NEIL1: variants seen among roughly 807,000 people sequenced by gnomAD.
The protein encoded by NEIL1 is endonuclease 8-like 1.
NEIL1 carries 31 observed loss-of-function variants against 44.2 expected under a neutral mutation model. The ratio of observed to expected loss-of-function variants is 0.70; its 90% confidence interval spans 0.53 to 0.95. The LOEUF (loss-of-function observed/expected upper bound fraction) is 0.95. NEIL1 is among the 40% of genes least tolerant of loss of function. The pLI is 0.00. For synonymous variants in NEIL1, 254 were observed against 209.7 expected, an observed-to-expected ratio of 1.21 and a Z score of -1.83; for missense variants, 549 against 515.5, an observed-to-expected ratio of 1.07 and a Z score of -0.63.
intron 2 of NEIL1, among the ~76,000 whole-genome samples, chr15:75,351,567 G>A (rs558599967): frequency 2.0e-4 from 31 of 152,144 alleles, no homozygotes; most frequent in African/African-American, 7.5e-4. Context: ...CACCACACCA[G>A]CCTCAAGTTA....
Position 75,349,337 on chromosome 15 carries a change from C to T in NEIL1, c.432C>T (p.Phe144=). The part of the protein sequence containing the change: ...GPCVLQEYQQ[F]RENVLRNLAD... ...GTGTCTTGCAGGAGTACCAGCAGTTCAGGTAGGGCCAGCACCAGGTGTGAT... is the reference window on the plus strand; with the variant it reads ...GTGTCTTGCAGGAGTACCAGCAGTTTAGGTAGGGCCAGCACCAGGTGTGAT... The change falls in exon 2 of 10, where the codon TTC becomes TTT. Residue 144 remains phenylalanine (F), a splice_region_variant and synonymous_variant. Coordinates refer to ENST00000355059, the MANE Select transcript of NEIL1 (RefSeq NM_024608.4). The T allele has an allele frequency of 6.2e-7, 1 of 1,600,648 alleles. No individual in the cohort carries two copies. Among genetic ancestry groups the T allele is most frequent in the South Asian group, 1.1e-5 (1 of 89,952 alleles).
At chr15:75,353,577 G>A (rs779985431) in intron 5 of NEIL1, 162 bp from the exon 6 acceptor site, 3 of 824,088 alleles carry the variant, frequency 3.6e-6, no homozygotes, top group East Asian at 5.1e-5. Context: ...GGCCGAGTGG[G>A]AAGAAACCAG....
Position 75,357,022 on chromosome 15 carries a change from TC to T in NEIL1, c.*1991del, listed in dbSNP as rs1396447021. 1.3e-6 allele frequency: 1 copy of T among 785,878 alleles called. No homozygotes were observed. Among genetic ancestry groups the T allele is most frequent in the Non-Finnish European group, 2.1e-6 (1 of 475,322 alleles). The allele number at this position is 785,878 out of a possible 1,614,324, so 48.7% of individuals were successfully genotyped here. A position where few individuals can be genotyped will look rare whatever the true frequency, so the allele number is the denominator to read the frequency against. ...TAGAACCACACAACTGAACTCCAGCTCCCACTGTACGGGGCCCTGGGCATGC... is the reference window on the plus strand; with the variant it reads ...TAGAACCACACAACTGAACTCCAGCTCCACTGTACGGGGCCCTGGGCATGC... On this transcript the variant is annotated 3_prime_UTR_variant, in exon 10 of 10. Transcript: ENST00000355059.
In NEIL1 at chr15:75,352,704, G is replaced by A; in HGVS notation, c.718+3G>A. The A allele has an allele frequency of 1.9e-6, 3 of 1,607,436 alleles. No homozygotes were observed. Among genetic ancestry groups the A allele is most frequent in the Non-Finnish European group, 2.5e-6 (3 of 1,176,704 alleles). On this transcript the variant is annotated splice_donor_region_variant and intron_variant, in intron 5 of 9. Transcript: ENST00000355059. ...GCCCAAGGAAGTGGTCCAGTTGGGT[G>A]AGGCCAAAGATGGCAGCAACCTCTG...
At position 75,353,878 on chromosome 15, in the gene NEIL1, C is replaced by T. The variant is rs370282759; in HGVS notation, c.846+12C>T. The stretch of plus-strand genomic sequence containing the variant: ...CCATCTGGTTCCAGGTTGGGCCCTA[C>T]TGTTCACACAGGCAGAGACCCCAGG... On this transcript the variant is annotated intron_variant, in intron 6 of 9. Coordinates refer to ENST00000355059, the MANE Select transcript of NEIL1 (RefSeq NM_024608.4). 2 of 1,612,172 alleles carry T rather than the reference C, an allele frequency of 1.2e-6. No homozygotes were observed. The highest frequency in any genetic ancestry group is 1.1e-5 in the South Asian group (1 of 90,936).
rs2071699204 is a variant in NEIL1, at chr15:75,349,316, C to T, written c.411C>T (p.Val137=). Residue 137 remains valine, a synonymous_variant, in exon 2 of 10, where the codon GTC becomes GTT. Coordinates refer to ENST00000355059, the MANE Select transcript of NEIL1 (RefSeq NM_024608.4). ...GKWQPGRGPC[V]LQEYQQFREN... is the part of the protein sequence containing the mutation. ...GGCAGCCGGGCCGCGGGCCCTGTGT[C>T]TTGCAGGAGTACCAGCAGTTCAGGT... 11 of 1,608,594 alleles carry T rather than the reference C, an allele frequency of 6.8e-6. No homozygotes were observed. The highest frequency in any genetic ancestry group is 9.3e-6 in the Non-Finnish European group (11 of 1,177,692).
At chr15:75,352,507 T>C in intron 4 of NEIL1, 95 bp from the exon 5 acceptor site, 1 of 1,544,492 alleles carries the variant, frequency 6.5e-7, no homozygotes, top group Non-Finnish European at 8.9e-7. Flanking sequence ...GGGGAGGGGA[T>C]GAACTGCCCA....
Position 75,354,795 on chromosome 15 carries a change from G to T in NEIL1, c.1079G>T (p.Arg360Met), listed in dbSNP as rs758287694. 1.9e-6 allele frequency: 3 copies of T among 1,613,970 alleles called. No individual in the cohort carries two copies. In the African/African-American group the frequency reaches 4.0e-5, roughly 22 times the overall value. ...EAPTVPKKGR[R>M]KGRQAASGHC... ...CCCACAGTGCCCAAGAAGGGGAGGA[G>T]GAAGGGGCGACAGGCAGCCTCTGGT... The change falls in exon 9 of 10, where the codon AGG (arginine) becomes ATG (methionine). Residue 360 changes from arginine to methionine, a missense_variant. Coordinates refer to ENST00000355059, the MANE Select transcript of NEIL1 (RefSeq NM_024608.4).
Position 75,356,981 on chromosome 15 carries a change from G to T in NEIL1, c.*1947G>T. The T allele has an allele frequency of 1.7e-6, 2 of 1,189,844 alleles. No individual in the cohort carries two copies. The highest frequency in any genetic ancestry group is 1.2e-6 in the Non-Finnish European group (1 of 811,392). The allele number at this position is 1,189,844 out of a possible 1,614,324, so 73.7% of individuals were successfully genotyped here. ...CCAGACTCCAGAGCTCCTGTCACTAGGCCGAGCACAAGCTCTAGAACCACA... is the reference window on the plus strand; with the variant it reads ...CCAGACTCCAGAGCTCCTGTCACTATGCCGAGCACAAGCTCTAGAACCACA... On this transcript the variant is annotated 3_prime_UTR_variant, in exon 10 of 10. Transcript: ENST00000355059. This position sits in a 1 kb window ranked among gnomAD's most constrained non-coding sequence, Gnocchi z 5.8.
chr15:75,353,385 CTAAT>C, intron 5 of NEIL1: 1 of 339,766 alleles, frequency 2.9e-6, no homozygotes, highest in Non-Finnish European at 5.9e-6. Context: ...CCACACCGGG[CTAAT>C]TGTTAAAAAT....
intron 2 of NEIL1, chr15:75,351,896 A>G (rs1369773138): frequency 4.0e-6 from 2 of 503,318 alleles, no homozygotes; most frequent in African/African-American, 3.9e-5. Context: ...TGCTGAGATT[A>G]CAGGCATGAG....
At chr15:75,351,870 C>T (rs1237203623) in intron 2 of NEIL1, 5 of 431,086 alleles carry the variant, frequency 1.2e-5, no homozygotes, top group Non-Finnish European at 2.2e-5. Context: ...GATCTGCCCG[C>T]CTCGGCCTCC....
At position 75,356,287 on chromosome 15, in the gene NEIL1, G is replaced by C. The variant is rs372102488; in HGVS notation, c.*1253G>C. 6.2e-7 allele frequency: 1 copy of C among 1,609,582 alleles called. No individual in the cohort carries two copies. On this transcript the variant is annotated 3_prime_UTR_variant, in exon 10 of 10. Coordinates refer to ENST00000355059, the MANE Select transcript of NEIL1 (RefSeq NM_024608.4). This position sits in a 1 kb window ranked among gnomAD's most constrained non-coding sequence, Gnocchi z 5.8. Reference sequence around the variant, plus strand: ...CAGTTCGGAACCCCGTCCCCAGCACGTCCCACCCCTTGCCTGCTTGACGGT... The same window carrying C: ...CAGTTCGGAACCCCGTCCCCAGCACCTCCCACCCCTTGCCTGCTTGACGGT...
Position 75,356,191 on chromosome 15 carries a change from AGCGAGCG to A in NEIL1, c.*1161_*1167del, listed in dbSNP as rs746628717. The A allele has an allele frequency of 1.2e-6, 2 of 1,613,360 alleles. No individual in the cohort carries two copies. The highest frequency in any genetic ancestry group is 2.7e-5 in the African/African-American group (2 of 74,924). ...GTGGGCCTCATACAGCCTCAGGACC[AGCGAGCG>A]GCGCTGGGGGCTGCTCTCCGCCTGC... On this transcript the variant is annotated 3_prime_UTR_variant, in exon 10 of 10. Coordinates refer to ENST00000355059, the MANE Select transcript of NEIL1 (RefSeq NM_024608.4). The surrounding 1 kb of genome is among the most constrained non-coding windows in gnomAD (Gnocchi z 5.8).
chr15:75,356,203 T>A lies in NEIL1; in HGVS notation c.*1169T>A, dbSNP rs1452804649. On this transcript the variant is annotated 3_prime_UTR_variant, in exon 10 of 10. Coordinates refer to ENST00000355059, the MANE Select transcript of NEIL1 (RefSeq NM_024608.4). This position sits in a 1 kb window ranked among gnomAD's most constrained non-coding sequence, Gnocchi z 5.8. The stretch of plus-strand genomic sequence containing the variant: ...CAGCCTCAGGACCAGCGAGCGGCGC[T>A]GGGGGCTGCTCTCCGCCTGCAGAGG... 3 of 1,613,162 alleles carry A rather than the reference T, an allele frequency of 1.9e-6. No individual in the cohort carries two copies. The highest frequency in any genetic ancestry group is 3.3e-5 in the Admixed American group (2 of 59,980).
Position 75,355,918 on chromosome 15 carries a change from AG to A in NEIL1, c.*886del, listed in dbSNP as rs754355595. On this transcript the variant is annotated 3_prime_UTR_variant, in exon 10 of 10. Transcript: ENST00000355059. ...CAGCCCCAGGGACTCAGTGTGGCGG[AG>A]GCTGAAGCACGAGCAACAGGGACAG... 2 of 1,614,176 alleles carry A rather than the reference AG, an allele frequency of 1.2e-6. No individual in the cohort carries two copies. The highest frequency in any genetic ancestry group is 2.2e-5 in the South Asian group (2 of 91,086).
chr15:75,354,859 A>G, intron 9 of NEIL1, 41 bp downstream of exon 9: 3 of 1,613,540 alleles, frequency 1.9e-6, no homozygotes, highest in Non-Finnish European at 2.5e-6. Flanking sequence ...GCTCTACAGG[A>G]GAGGATGGGA....
intron 4 of NEIL1, 100 bp from the exon 5 acceptor site, chr15:75,352,502 G>A: frequency 1.3e-6 from 2 of 1,541,148 alleles, no homozygotes; most frequent in South Asian, 1.1e-5. Context: ...GGGGTGGGGA[G>A]GGGATGAACT....
chr15:75,353,931 C>G, intron 6 of NEIL1, 65 bp downstream of exon 6: 1 of 1,594,314 alleles, frequency 6.3e-7, no homozygotes. Flanking sequence ...CGTGGGGTCA[C>G]AATAACTGGG....
Sources: allele counts gnomAD v4.1 joint callset (sites outside exome capture counted in the v4.1 genomes callset), GRCh38; gene constraint gnomAD v4.1.1; non-coding constraint Gnocchi (gnomAD v3.1); transcripts MANE v1.5; gene names NCBI Gene and HGNC (gene_info 2026-07-23, HGNC 2026-07-21).